LRRTM4: variants seen among roughly 807,000 people sequenced by gnomAD.
LRRTM4 encodes leucine rich repeat transmembrane neuronal 4, also known as leucine-rich repeat transmembrane neuronal protein 4.
A neutral mutation model predicts 47.6 loss-of-function variants in LRRTM4; 25 were observed. The ratio of observed to expected loss-of-function variants is 0.53; its 90% confidence interval spans 0.38 to 0.73. LRRTM4 has a LOEUF of 0.73. Among genes scored for constraint, LRRTM4 ranks in the 30% least tolerant of loss-of-function variants. The pLI is 0.00. For missense variants in LRRTM4, 638 were observed against 713.4 expected (o/e 0.89, Z 1.20); for synonymous variants, 311 against 269.5 (o/e 1.15, Z -1.51).
chr2:76,869,479 T>C (rs918008196), intron 3 of LRRTM4, among the ~76,000 whole-genome samples: 1 of 152,062 alleles, frequency 6.6e-6, no homozygotes, highest in East Asian at 1.9e-4. Flanking sequence ...AGCTAAGAAG[T>C]CTTATGGGAC....
At chr2:76,837,548 T>C (rs1573190464) in intron 3 of LRRTM4, among the ~76,000 whole-genome samples, 3 of 152,244 alleles carry the variant, frequency 2.0e-5, no homozygotes, top group Middle Eastern at 3.4e-3. Context: ...TACACTGCTT[T>C]GAATGTGTCC....
At chr2:76,812,846 C>G (rs915072714) in intron 3 of LRRTM4, among the ~76,000 whole-genome samples, 4 of 132,440 alleles carry the variant, frequency 3.0e-5, no homozygotes, top group Non-Finnish European at 6.2e-5. Flanking sequence ...TTTTATGTGC[C>G]TTAGTAAAGA....
chr2:76,786,670 A>G (rs1163883537), intron 3 of LRRTM4, among the ~76,000 whole-genome samples: 1 of 152,116 alleles, frequency 6.6e-6, no homozygotes, highest in Non-Finnish European at 1.5e-5. Flanking sequence ...GCATTCAGAC[A>G]ACTTCCTCCA....
chr2:76,851,824 T>C (rs965401512), intron 3 of LRRTM4, among the ~76,000 whole-genome samples: 1 of 148,734 alleles, frequency 6.7e-6, no homozygotes, highest in Admixed American at 6.8e-5. Context: ...AGTGGCACTC[T>C]CTTCCAGAGA....
At chr2:77,118,865 C>A (rs1163522168) in intron 3 of LRRTM4, among the ~76,000 whole-genome samples, 2 of 151,668 alleles carry the variant, frequency 1.3e-5, no homozygotes, top group African/African-American at 4.8e-5. Context: ...GCTGAGTAGA[C>A]CATATACATT....
rs948422659 is a variant in LRRTM4, at chr2:77,366,113, C to A, written c.1551+152205G>T. ...ATATAATGAATCTCCTAGTCATAGACAACTTTATTAGAAGAATCATTAATA... is the reference window on the plus strand; with the variant it reads ...ATATAATGAATCTCCTAGTCATAGAAAACTTTATTAGAAGAATCATTAATA... On this transcript the variant is annotated intron_variant, in intron 3 of 3. Coordinates refer to ENST00000409884, the MANE Select transcript of LRRTM4 (RefSeq NM_001134745.3). Among the ~76,000 whole-genome samples, 6 of 151,550 alleles carry A rather than the reference C, an allele frequency of 4.0e-5. No individual in the cohort carries two copies. The East Asian group carries it at 7.7e-4, about 20-fold the overall frequency.
At chr2:77,159,570 A>G (rs1672654689) in intron 3 of LRRTM4, among the ~76,000 whole-genome samples, 3 of 151,924 alleles carry the variant, frequency 2.0e-5, no homozygotes, top group Non-Finnish European at 2.9e-5. Flanking sequence ...AAGAGAATAT[A>G]TATTTACTAT....
chr2:76,770,404 C>G (rs1315520990), intron 3 of LRRTM4, among the ~76,000 whole-genome samples: 2 of 152,100 alleles, frequency 1.3e-5, no homozygotes, highest in Non-Finnish European at 2.9e-5. Flanking sequence ...AAAATTGTTA[C>G]CAGGGACCAC....
chr2:77,344,654 A>G (rs1671496125), intron 3 of LRRTM4, among the ~76,000 whole-genome samples: 1 of 151,908 alleles, frequency 6.6e-6, no homozygotes, highest in African/African-American at 2.4e-5. Context: ...GAAAACTTCC[A>G]AAATTTGGTG....
chr2:77,277,195 C>A (rs1413418843), intron 3 of LRRTM4, among the ~76,000 whole-genome samples: 1 of 151,862 alleles, frequency 6.6e-6, no homozygotes, highest in Non-Finnish European at 1.5e-5. Context: ...CATGCAAAAC[C>A]AATTACAGAT....
At chr2:77,448,004 A>G (rs1676119099) in intron 3 of LRRTM4, among the ~76,000 whole-genome samples, 1 of 152,198 alleles carries the variant, frequency 6.6e-6, no homozygotes, top group Non-Finnish European at 1.5e-5. Flanking sequence ...TTATTGAAAG[A>G]ATGGATTAGA....
At chr2:76,884,526 A>G (rs1275724781) in intron 3 of LRRTM4, among the ~76,000 whole-genome samples, 1 of 152,216 alleles carries the variant, frequency 6.6e-6, no homozygotes, top group Non-Finnish European at 1.5e-5. Context: ...GCATAAACCC[A>G]TGCAAAAAAT....
intron 3 of LRRTM4, among the ~76,000 whole-genome samples, chr2:77,206,046 T>C (rs955039976): frequency 6.6e-6 from 1 of 152,098 alleles, no homozygotes; most frequent in Admixed American, 6.6e-5. Context: ...ATCACTATGT[T>C]GCCCAGGCTG....
intron 3 of LRRTM4, among the ~76,000 whole-genome samples, chr2:76,780,720 C>G (rs1232457041): frequency 1.3e-5 from 2 of 152,136 alleles, no homozygotes; most frequent in Non-Finnish European, 2.9e-5. Flanking sequence ...TCCCGTAGCT[C>G]AGAGTAATTT....
chr2:77,022,851 C>G (rs771541561), intron 3 of LRRTM4, among the ~76,000 whole-genome samples: 4 of 152,130 alleles, frequency 2.6e-5, no homozygotes, highest in Non-Finnish European at 4.4e-5. Context: ...GCGTTGTAAG[C>G]TGTAGTTGGA....
At chr2:77,249,471 C>T (rs1675543219) in intron 3 of LRRTM4, among the ~76,000 whole-genome samples, 1 of 137,912 alleles carries the variant, frequency 7.3e-6, no homozygotes. Context: ...TCTGACAATG[C>T]ATTGTTATTG....
chr2:76,757,855 TAAAC>T (rs1250418612), intron 3 of LRRTM4, among the ~76,000 whole-genome samples: 3 of 152,112 alleles, frequency 2.0e-5, no homozygotes, highest in African/African-American at 7.2e-5. Flanking sequence ...CATGCAAAAG[TAAAC>T]AAACAGAAAC....
intron 3 of LRRTM4, among the ~76,000 whole-genome samples, chr2:76,804,287 A>C (rs72815462): frequency 0.11 from 17,167 of 152,224 alleles, 1,148 homozygotes; most frequent in Non-Finnish European, 0.14. Flanking sequence ...GTTATTTCTC[A>C]AGAATCCTTT....
intron 3 of LRRTM4, among the ~76,000 whole-genome samples, chr2:76,939,781 G>C (rs1048610037): frequency 6.6e-6 from 1 of 151,794 alleles, no homozygotes; most frequent in South Asian, 2.1e-4. Flanking sequence ...ATATTTATGG[G>C]CATCTAACTG....
Sources: allele counts gnomAD v4.1 joint callset (sites outside exome capture counted in the v4.1 genomes callset), GRCh38; gene constraint gnomAD v4.1.1; transcripts MANE v1.5; gene names NCBI Gene and HGNC (gene_info 2026-07-23, HGNC 2026-07-21).